JMJD1C: variants seen among roughly 807,000 people sequenced by gnomAD.
JMJD1C encodes the protein jumonji domain containing 1C.
Under a neutral mutation model 245.3 loss-of-function variants are expected in JMJD1C, and 31 were observed. That is an observed-to-expected ratio of 0.13 (90% CI 0.09 to 0.17). The LOEUF is 0.17. Ranked by LOEUF, JMJD1C falls within the 10% of genes least tolerant of loss-of-function variation. The pLI, the probability that JMJD1C is intolerant of heterozygous loss-of-function variation, is 1.00. For missense variants in JMJD1C, 2,691 were observed against 3,000.2 expected (o/e 0.90, Z 2.41); for synonymous variants, 1,057 against 1,017.4 (o/e 1.04, Z -0.74).
Position 63,208,762 on chromosome 10 carries a change from A to G in JMJD1C, c.2907T>C (p.Ser969=). Residue 969 remains serine (S), a synonymous_variant, in exon 10 of 26, where the codon TCT becomes TCC. Transcript: ENST00000399262. ...CATTTTTGGCTGATGTGGATGCAAC[A>G]GACCGTAATGGTTCCATAAAAGCTT... ...ERKAFMEPLR[S]VASTSAKNDL... The G allele has an allele frequency of 6.2e-7, 1 of 1,607,902 alleles. No individual in the cohort carries two copies. The highest frequency in any genetic ancestry group is 8.5e-7 in the Non-Finnish European group (1 of 1,178,250).
At chr10:63,460,007 C>T (rs2133080793) in intron 1 of JMJD1C, among the ~76,000 whole-genome samples, 1 of 152,252 alleles carries the variant, frequency 6.6e-6, no homozygotes, top group Middle Eastern at 3.4e-3. Context: ...TGCAGCAGTT[C>T]CAGACTCATA....
chr10:63,461,653 T>C (rs1281934402), intron 1 of JMJD1C, among the ~76,000 whole-genome samples: 4 of 152,114 alleles, frequency 2.6e-5, no homozygotes, highest in Non-Finnish European at 5.9e-5. Flanking sequence ...TACAAGCAAA[T>C]TTATGGGTTT....
intron 1 of JMJD1C, among the ~76,000 whole-genome samples, chr10:63,462,351 A>G (rs902396850): frequency 6.6e-6 from 1 of 152,174 alleles, no homozygotes. Context: ...GAAAAAATAA[A>G]ATTTTAATCT....
chr10:63,253,289 A>G (rs1853363578), intron 3 of JMJD1C, among the ~76,000 whole-genome samples: 1 of 152,240 alleles, frequency 6.6e-6, no homozygotes, highest in Non-Finnish European at 1.5e-5. Context: ...AAGGGTGGGA[A>G]GAGCACTCAA....
chr10:63,176,306 T>G lies in JMJD1C; in HGVS notation c.7392A>C (p.Ala2464=). The change falls in exon 24 of 26, where the codon GCA becomes GCC. Residue 2464 remains alanine (A), a synonymous_variant. Transcript: ENST00000399262. The stretch of plus-strand genomic sequence containing the variant: ...ATAAGTTTGTATATACCTGATGAAG[T>G]GCTCCCGCTGGCAAAACAATAGCAT... ...LGDAIVLPAG[A]LHQVQNFHSC... is the part of the protein sequence containing the mutation. 1 of 1,611,528 alleles carries G rather than the reference T, an allele frequency of 6.2e-7. No individual in the cohort carries two copies. Among genetic ancestry groups the G allele is most frequent in the Non-Finnish European group, 8.5e-7 (1 of 1,178,704 alleles).
intron 4 of JMJD1C, among the ~76,000 whole-genome samples, chr10:63,219,594 A>C (rs1447663268): frequency 6.6e-6 from 1 of 152,198 alleles, no homozygotes; most frequent in Non-Finnish European, 1.5e-5. Context: ...TCCAGGAAAG[A>C]CACACCTAAA....
At chr10:63,477,089 T>C (rs1240699832) in intron 1 of JMJD1C, among the ~76,000 whole-genome samples, 1 of 152,194 alleles carries the variant, frequency 6.6e-6, no homozygotes, top group Non-Finnish European at 1.5e-5. Flanking sequence ...TCTAAATAAG[T>C]GGAGAGATAT....
rs1177814365 is a variant in JMJD1C, at chr10:63,197,505, T to C, written c.5550A>G (p.Glu1850=). ...RGVREMCDAC[E]ATLFNIHWVC... is the part of the protein sequence containing the mutation. Reference sequence around the variant, plus strand: ...CCCAGTGAATGTTAAACAATGTTGCTTCACATGCATCACACATCTCCCGGA... The same window carrying C: ...CCCAGTGAATGTTAAACAATGTTGCCTCACATGCATCACACATCTCCCGGA... Residue 1850 remains glutamate (E), a synonymous_variant, in exon 13 of 26, where the codon GAA becomes GAG. Coordinates refer to ENST00000399262, the MANE Select transcript of JMJD1C (RefSeq NM_032776.3). The C allele has an allele frequency of 1.2e-6, 2 of 1,608,380 alleles. No homozygotes were observed. The highest frequency in any genetic ancestry group is 3.4e-5 in the Admixed American group (2 of 58,528).
intron 3 of JMJD1C, among the ~76,000 whole-genome samples, chr10:63,221,058 C>T (rs949487963): frequency 1.4e-5 from 2 of 146,708 alleles, no homozygotes; most frequent in Non-Finnish European, 3.0e-5. Flanking sequence ...TGCAATGGGC[C>T]GAGATCACAC....
chr10:63,387,802 A>AT (rs1947746595), intron 1 of JMJD1C, among the ~76,000 whole-genome samples: 1 of 151,064 alleles, frequency 6.6e-6, no homozygotes, highest in Admixed American at 6.6e-5. Flanking sequence ...TGCCCGGCTA[A>AT]TTTTTTGTAT....
intron 2 of JMJD1C, among the ~76,000 whole-genome samples, chr10:63,313,532 T>C (rs1292587489): frequency 6.6e-6 from 1 of 152,220 alleles, no homozygotes; most frequent in Admixed American, 6.6e-5. Flanking sequence ...CTGTCCATAT[T>C]AGTCATACTA....
chr10:63,490,039 G>T (rs781498152), intron 1 of JMJD1C, among the ~76,000 whole-genome samples: 1 of 152,196 alleles, frequency 6.6e-6, no homozygotes, highest in Non-Finnish European at 1.5e-5. Flanking sequence ...TTCCTTATGA[G>T]AATCTAATGC....
intron 2 of JMJD1C, among the ~76,000 whole-genome samples, chr10:63,336,470 T>C (rs1303281234): frequency 6.6e-6 from 1 of 151,922 alleles, no homozygotes; most frequent in Non-Finnish European, 1.5e-5. Flanking sequence ...AAAATAATAA[T>C]AAATAAATAA....
chr10:63,203,330 T>C, intron 10 of JMJD1C: 1 of 983,976 alleles, frequency 1.0e-6, no homozygotes, highest in Non-Finnish European at 1.2e-6. Flanking sequence ...AACAAAAAAA[T>C]ACCTAACTCA....
intron 2 of JMJD1C, among the ~76,000 whole-genome samples, chr10:63,336,615 T>G (rs1037041496): frequency 1.3e-5 from 2 of 152,130 alleles, no homozygotes; most frequent in African/African-American, 4.8e-5. Flanking sequence ...AGATAGTTAA[T>G]CTAAAAAACA....
chr10:63,297,257 C>T (rs1360788288), intron 2 of JMJD1C, among the ~76,000 whole-genome samples: 1 of 152,214 alleles, frequency 6.6e-6, no homozygotes, highest in Admixed American at 6.5e-5. Flanking sequence ...TTCCTTGATG[C>T]CTTTTGGCCA....
intron 3 of JMJD1C, among the ~76,000 whole-genome samples, chr10:63,232,312 G>A (rs1341611095): frequency 6.6e-6 from 1 of 151,710 alleles, no homozygotes; most frequent in East Asian, 1.9e-4. Context: ...TTTTAAAATT[G>A]TTTAAAAGTT....
intron 1 of JMJD1C, among the ~76,000 whole-genome samples, chr10:63,486,862 C>T (rs2133204930): frequency 6.6e-6 from 1 of 152,314 alleles, no homozygotes; most frequent in African/African-American, 2.4e-5. Flanking sequence ...CCCTTATCAT[C>T]ATCAGACACT....
intron 1 of JMJD1C, among the ~76,000 whole-genome samples, chr10:63,392,566 C>T (rs1455382077): frequency 6.6e-6 from 1 of 151,998 alleles, no homozygotes; most frequent in African/African-American, 2.4e-5. Flanking sequence ...GTGGCTCATG[C>T]CTGTAATCCC....
Sources: allele counts gnomAD v4.1 joint callset (sites outside exome capture counted in the v4.1 genomes callset), GRCh38; gene constraint gnomAD v4.1.1; transcripts MANE v1.5; gene names NCBI Gene and HGNC (gene_info 2026-07-23, HGNC 2026-07-21).